Variants in GALNT13 observed in about 807,000 individuals in gnomAD.
GALNT13 encodes UDP-GalNAc:polypeptide N-acetylgalactosaminyltransferase 13.
In GALNT13, 28 loss-of-function variants were observed where a neutral mutation model predicts 64.2. That is an observed-to-expected ratio of 0.44 (90% CI 0.32 to 0.60). The LOEUF is 0.60. Ranked by LOEUF, GALNT13 falls within the 20% of genes least tolerant of loss-of-function variation. The pLI, the probability that GALNT13 is intolerant of heterozygous loss-of-function variation, is 0.05. For missense variants in GALNT13, 577 were observed against 669.8 expected (o/e 0.86, Z 1.53); for synonymous variants, 214 against 224.6 (o/e 0.95, Z 0.42).
chr2:154,381,822 T>C (rs10169406), intron 9 of GALNT13, among the ~76,000 whole-genome samples: 69,552 of 151,890 alleles, frequency 0.46, 16,162 homozygotes, highest in Admixed American at 0.57. Context: ...TTTTATTGTA[T>C]TGAAATTTTT....
intron 3 of GALNT13, among the ~76,000 whole-genome samples, chr2:154,086,781 C>T (rs1248646589): frequency 6.6e-6 from 1 of 152,140 alleles, no homozygotes; most frequent in East Asian, 1.9e-4. Flanking sequence ...CACACACACA[C>T]ACACGCGCAC....
At chr2:153,575,589 C>T in the GALNT13 span, among the ~76,000 whole-genome samples, 1 of 152,084 alleles carries the variant, frequency 6.6e-6, no homozygotes, top group Non-Finnish European at 1.5e-5. Context: ...CCACAAGATG[C>T]AGTTTTTAGC....
the GALNT13 span, among the ~76,000 whole-genome samples, chr2:153,832,064 T>C: frequency 6.6e-6 from 1 of 152,166 alleles, no homozygotes; most frequent in Non-Finnish European, 1.5e-5. Flanking sequence ...AAGAGAACTG[T>C]ATGTTTCAGA....
intron 1 of GALNT13, among the ~76,000 whole-genome samples, chr2:153,872,772 G>A (rs1193048547): frequency 6.6e-6 from 1 of 152,116 alleles, no homozygotes; most frequent in East Asian, 1.9e-4. Context: ...CCCGACACCA[G>A]GCGCTCCCTG....
chr2:153,196,343 G>T, the GALNT13 span, among the ~76,000 whole-genome samples: 1 of 152,170 alleles, frequency 6.6e-6, no homozygotes, highest in Non-Finnish European at 1.5e-5. Context: ...AGTGCCCAAA[G>T]TCTAGAGGGG....
the GALNT13 span, among the ~76,000 whole-genome samples, chr2:153,747,239 T>A: frequency 2.6e-5 from 4 of 152,036 alleles, no homozygotes; most frequent in Non-Finnish European, 4.4e-5. Flanking sequence ...ATAATGATTT[T>A]AAAATGTACG....
the GALNT13 span, among the ~76,000 whole-genome samples, chr2:153,441,689 A>G: frequency 6.6e-6 from 1 of 151,950 alleles, no homozygotes; most frequent in Non-Finnish European, 1.5e-5. Flanking sequence ...ATTCCTAGGT[A>G]TTTTATTCTC....
the GALNT13 span, among the ~76,000 whole-genome samples, chr2:153,382,674 C>T: frequency 6.6e-6 from 1 of 151,684 alleles, no homozygotes; most frequent in African/African-American, 2.4e-5. Flanking sequence ...TTATTTTTTA[C>T]TGGTTGTGTA....
chr2:153,347,559 T>C, the GALNT13 span, among the ~76,000 whole-genome samples: 1 of 152,234 alleles, frequency 6.6e-6, no homozygotes, highest in Non-Finnish European at 1.5e-5. Flanking sequence ...TAAAGCCATA[T>C]ACCATGAAGG....
chr2:153,547,346 G>A, the GALNT13 span, among the ~76,000 whole-genome samples: 537 of 152,278 alleles, frequency 3.5e-3, 4 homozygotes, highest in African/African-American at 0.012. Flanking sequence ...ATTCTAAGGA[G>A]TTACTGCTGA....
chr2:153,923,108 C>T (rs1024514910), intron 2 of GALNT13, among the ~76,000 whole-genome samples: 1 of 152,014 alleles, frequency 6.6e-6, no homozygotes, highest in Non-Finnish European at 1.5e-5. Context: ...CTATGTTCAC[C>T]AGGCTGGTCT....
chr2:153,827,194 A>G, the GALNT13 span, among the ~76,000 whole-genome samples: 1 of 152,064 alleles, frequency 6.6e-6, no homozygotes, highest in African/African-American at 2.4e-5. Context: ...TCCCGCTTTT[A>G]AAACCATTAG....
At chr2:153,804,708 G>C in the GALNT13 span, among the ~76,000 whole-genome samples, 1 of 151,988 alleles carries the variant, frequency 6.6e-6, no homozygotes, top group African/African-American at 2.4e-5. Flanking sequence ...AATTGTAACT[G>C]ATTTCATGTA....
chr2:153,248,741 A>G, the GALNT13 span, among the ~76,000 whole-genome samples: 1 of 148,470 alleles, frequency 6.7e-6, no homozygotes, highest in Non-Finnish European at 1.5e-5. Context: ...GCGTGAACCC[A>G]GGAAGCGGAG....
chr2:153,663,810 T>C, the GALNT13 span, among the ~76,000 whole-genome samples: 1 of 152,328 alleles, frequency 6.6e-6, no homozygotes, highest in South Asian at 2.1e-4. Context: ...GCCAGATTGC[T>C]CCTAATTCCT....
At chr2:153,406,033 G>T in the GALNT13 span, among the ~76,000 whole-genome samples, 5 of 152,190 alleles carry the variant, frequency 3.3e-5, no homozygotes, top group East Asian at 9.6e-4. Flanking sequence ...CTAGAGAAAA[G>T]AGAAAGTTGC....
chr2:153,236,841 C>T, the GALNT13 span, among the ~76,000 whole-genome samples: 3 of 152,138 alleles, frequency 2.0e-5, no homozygotes, highest in Non-Finnish European at 4.4e-5. Context: ...TTAAGAAATA[C>T]ATTTCATAAG....
At chr2:153,101,718 C>T in the GALNT13 span, among the ~76,000 whole-genome samples, 7 of 152,240 alleles carry the variant, frequency 4.6e-5, no homozygotes, top group Admixed American at 2.0e-4. Flanking sequence ...AAAAAATAGG[C>T]AAACACAAAG....
chr2:153,151,761 A>T, the GALNT13 span, among the ~76,000 whole-genome samples: 8 of 145,640 alleles, frequency 5.5e-5, no homozygotes, highest in Admixed American at 5.5e-4. Flanking sequence ...GTTCTCACTC[A>T]TAGGTGGGAA....
Sources: allele counts gnomAD v4.1 joint callset (sites outside exome capture counted in the v4.1 genomes callset), GRCh38; gene constraint gnomAD v4.1.1; transcripts MANE v1.5; gene names NCBI Gene and HGNC (gene_info 2026-07-23, HGNC 2026-07-21).